The following MAGI3 variants were observed in gnomAD, a reference collection of about 807,000 sequenced individuals.
MAGI3 encodes membrane-associated guanylate kinase, WW and PDZ domain-containing protein 3.
Under a neutral mutation model 121.8 loss-of-function variants are expected in MAGI3, and 43 were observed. The ratio of observed to expected loss-of-function variants is 0.35; its 90% CI spans 0.28 to 0.46. The LOEUF (loss-of-function observed/expected upper bound fraction) is 0.46, where lower values mean the gene tolerates loss of function less well. MAGI3 is among the 20% of genes least tolerant of loss of function. The pLI is 1.00. For synonymous variants in MAGI3, 553 were observed against 639.3 expected (o/e 0.86, Z 2.04); for missense variants, 1,547 against 1,797.3 (o/e 0.86, Z 2.52).
chr1:113,435,471 T>C (rs2101435562), intron 1 of MAGI3, among the ~76,000 whole-genome samples: 1 of 152,284 alleles, frequency 6.6e-6, no homozygotes, highest in African/African-American at 2.4e-5. Context: ...CTACTTGAAG[T>C]GTTTTGAAAA....
At chr1:113,487,762 A>AT (rs1383980538) in intron 1 of MAGI3, among the ~76,000 whole-genome samples, 1 of 149,258 alleles carries the variant, frequency 6.7e-6, no homozygotes, top group Non-Finnish European at 1.5e-5. Context: ...TTTTTTTTTC[A>AT]TTTTTTCTAT....
intron 1 of MAGI3, among the ~76,000 whole-genome samples, chr1:113,494,140 A>G (rs1656800641): frequency 6.6e-6 from 1 of 152,228 alleles, no homozygotes. Flanking sequence ...TCCCAATGAT[A>G]GAATGGATAA....
intron 16 of MAGI3, among the ~76,000 whole-genome samples, chr1:113,660,156 G>A (rs1466575077): frequency 1.3e-5 from 2 of 152,074 alleles, no homozygotes; most frequent in East Asian, 3.9e-4. Context: ...ATCTGTTCAA[G>A]ATGCTATAGG....
chr1:113,402,001 C>G (rs1570619803), intron 1 of MAGI3, among the ~76,000 whole-genome samples: 1 of 152,132 alleles, frequency 6.6e-6, no homozygotes, highest in East Asian at 1.9e-4. Flanking sequence ...GAAGGAAACA[C>G]AGCAATCCAA....
intron 1 of MAGI3, among the ~76,000 whole-genome samples, chr1:113,495,827 T>C (rs771944864): frequency 6.6e-6 from 1 of 152,210 alleles, no homozygotes; most frequent in African/African-American, 2.4e-5. Context: ...GTAATTACTA[T>C]AGAAAATATC....
intron 2 of MAGI3, among the ~76,000 whole-genome samples, chr1:113,569,858 A>G (rs1454989028): frequency 6.6e-6 from 1 of 152,146 alleles, no homozygotes; most frequent in Non-Finnish European, 1.5e-5. Flanking sequence ...GAATATAAAG[A>G]ATTATAAATC....
At chr1:113,460,576 G>A (rs530869348) in intron 1 of MAGI3, among the ~76,000 whole-genome samples, 5 of 152,240 alleles carry the variant, frequency 3.3e-5, no homozygotes, top group African/African-American at 9.6e-5. Flanking sequence ...TTGGGAGGCC[G>A]AGGTGGGCGG....
intron 1 of MAGI3, among the ~76,000 whole-genome samples, chr1:113,512,342 TTAACTC>T (rs1161566994): frequency 6.6e-6 from 1 of 152,174 alleles, no homozygotes; most frequent in Non-Finnish European, 1.5e-5. Flanking sequence ...GAGAGAATAA[TTAACTC>T]TATTACTGCA....
In MAGI3 at chr1:113,658,284, G is replaced by A. The variant is rs1450410853; in HGVS notation, c.2630-796G>A. ...CATTTCAAGCTATAATAATAGCAGA[G>A]TATCTTAATAGTTAGTCCAGGAAGG... On this transcript the variant is annotated intron_variant, in intron 15 of 20. Transcript: ENST00000307546. The surrounding 1 kb of genome is among the most constrained non-coding windows in gnomAD (Gnocchi z 4.0). Among the ~76,000 whole-genome samples the A allele has an allele frequency of 1.3e-5, 2 of 152,200 alleles. No homozygotes were observed.
intron 9 of MAGI3, among the ~76,000 whole-genome samples, chr1:113,635,752 G>C (rs1345876467): frequency 6.6e-6 from 1 of 152,198 alleles, no homozygotes; most frequent in African/African-American, 2.4e-5. Context: ...AAATGAGTTA[G>C]GGAGGATTCC....
chr1:113,417,120 ATAAT>A (rs1463779453), intron 1 of MAGI3, among the ~76,000 whole-genome samples: 1 of 151,936 alleles, frequency 6.6e-6, no homozygotes, highest in African/African-American at 2.4e-5. Context: ...TTTATTGAGT[ATAAT>A]TTACATACAA....
chr1:113,656,842 G>T (rs182099806), intron 15 of MAGI3, among the ~76,000 whole-genome samples: 14 of 152,282 alleles, frequency 9.2e-5, no homozygotes, highest in Admixed American at 7.8e-4. Context: ...CTTTTTCAAA[G>T]ATCAGGGATC....
At position 113,422,608 on chromosome 1, in the gene MAGI3, G is replaced by A. The variant is rs1228291728; in HGVS notation, c.316+31259G>A. On this transcript the variant is annotated intron_variant, in intron 1 of 20. Coordinates refer to ENST00000307546, the MANE Select transcript of MAGI3 (RefSeq NM_001142782.2). The surrounding 1 kb of genome is among the most constrained non-coding windows in gnomAD (Gnocchi z 4.3). ...GCAGGCAGCTCCCGGCGCTGGCACA[G>A]GCGCCTGCTCCGTGCAAGGGTGCAT... Among the ~76,000 whole-genome samples, 1 of 152,236 alleles carries A rather than the reference G, an allele frequency of 6.6e-6. No homozygotes were observed. Among genetic ancestry groups the A allele is most frequent in the Admixed American group, 6.5e-5 (1 of 15,290 alleles).
intron 7 of MAGI3, among the ~76,000 whole-genome samples, chr1:113,616,203 C>A (rs916758510): frequency 6.6e-6 from 1 of 152,180 alleles, no homozygotes; most frequent in African/African-American, 2.4e-5. Flanking sequence ...CAGGGAGGTA[C>A]ATGAAATAGC....
chr1:113,528,687 G>A (rs934496408), intron 1 of MAGI3, among the ~76,000 whole-genome samples: 5 of 152,050 alleles, frequency 3.3e-5, no homozygotes, highest in Non-Finnish European at 7.4e-5. Flanking sequence ...ATCGTTCCTT[G>A]TACATTGTTA....
At chr1:113,549,169 G>A (rs1362835219) in intron 1 of MAGI3, among the ~76,000 whole-genome samples, 1 of 152,134 alleles carries the variant, frequency 6.6e-6, no homozygotes, top group Non-Finnish European at 1.5e-5. Flanking sequence ...GGTAGATCAA[G>A]GATGGATACA....
chr1:113,471,185 G>T (rs1333101980), intron 1 of MAGI3, among the ~76,000 whole-genome samples: 2 of 152,138 alleles, frequency 1.3e-5, no homozygotes, highest in Admixed American at 6.5e-5. Flanking sequence ...TTCTTTTGAA[G>T]AGCACATGGA....
rs146228613 is a variant in MAGI3, at chr1:113,520,371, T to C, written c.317-29144T>C. On this transcript the variant is annotated intron_variant, in intron 1 of 20. Transcript: ENST00000307546. ...GGACATAGAAATGAATCAGGCATGA[T>C]TCCTGCCATGAAGAAGCCCATATTC... Among the ~76,000 whole-genome samples, 418 of 152,242 alleles carry C rather than the reference T, an allele frequency of 2.7e-3. 3 individuals carry two copies. The highest frequency in any genetic ancestry group is 9.7e-3 in the African/African-American group (405 of 41,554).
intron 1 of MAGI3, among the ~76,000 whole-genome samples, chr1:113,457,410 T>A (rs1654812236): frequency 6.6e-6 from 1 of 152,210 alleles, no homozygotes; most frequent in African/African-American, 2.4e-5. Flanking sequence ...TGTTTGAGAT[T>A]ATACGACAGT....
Sources: gnomAD v4.1 joint callset for allele counts (sites outside exome capture counted in the v4.1 genomes callset) on GRCh38, gnomAD v4.1.1 for gene constraint, Gnocchi (gnomAD v3.1) non-coding constraint, MANE v1.5 for transcripts, NCBI Gene and HGNC (gene_info 2026-07-23, HGNC 2026-07-21) for gene names.